Variants in GABRG3 observed in about 807,000 individuals in gnomAD.
The protein encoded by GABRG3 is gamma-aminobutyric acid type A receptor subunit gamma3.
GABRG3 carries 25 observed loss-of-function variants against 48.8 expected under a neutral mutation model. That is an observed-to-expected ratio of 0.51 (90% CI 0.37 to 0.72). The LOEUF (loss-of-function observed/expected upper bound fraction) is 0.72, where lower values mean the gene tolerates loss of function less well. Ranked by LOEUF, GABRG3 falls within the 30% of genes least tolerant of loss-of-function variation. The pLI is 0.00. For synonymous variants in GABRG3, 227 were observed against 217.6 expected, an observed-to-expected ratio of 1.04 and a Z score of -0.38; for missense variants, 394 against 577.9, an observed-to-expected ratio of 0.68 and a Z score of 3.26.
chr15:27,114,738 G>A (rs747474332), intron 3 of GABRG3, among the ~76,000 whole-genome samples: 1 of 151,932 alleles, frequency 6.6e-6, no homozygotes, highest in Non-Finnish European at 1.5e-5. Context: ...TAACTGACTA[G>A]ATAATGAAAG....
intron 3 of GABRG3, among the ~76,000 whole-genome samples, chr15:27,164,073 A>G (rs1258776002): frequency 1.3e-5 from 2 of 152,248 alleles, no homozygotes; most frequent in Admixed American, 6.5e-5. Context: ...TGTTTCACAC[A>G]TAAACATTCC....
chr15:27,431,363 T>G (rs185625839), intron 5 of GABRG3, among the ~76,000 whole-genome samples: 22 of 152,328 alleles, frequency 1.4e-4, no homozygotes, highest in African/African-American at 5.3e-4. Context: ...CAATTTATTT[T>G]TGTATTTTGA....
At chr15:27,439,257 C>G (rs1354430276) in intron 5 of GABRG3, among the ~76,000 whole-genome samples, 1 of 152,132 alleles carries the variant, frequency 6.6e-6, no homozygotes, top group African/African-American at 2.4e-5. Context: ...TTCTCAACAG[C>G]ATGAGAGGAA....
chr15:27,296,314 G>A (rs1766470291), intron 3 of GABRG3, among the ~76,000 whole-genome samples: 2 of 152,134 alleles, frequency 1.3e-5, no homozygotes, highest in Admixed American at 6.5e-5. Context: ...TAAACAATAT[G>A]TGTAGAATTG....
chr15:27,027,015 AT>A (rs1165640683), intron 3 of GABRG3, 194 bp downstream of exon 3: 15 of 462,278 alleles, frequency 3.2e-5, no homozygotes, highest in Non-Finnish European at 5.4e-5. Context: ...TGGTAGTAGC[AT>A]TTCCACTTTT....
chr15:27,465,329 C>A (rs1889572995), intron 5 of GABRG3, among the ~76,000 whole-genome samples: 1 of 148,274 alleles, frequency 6.7e-6, no homozygotes, highest in African/African-American at 2.6e-5. Flanking sequence ...TGAAAAATTA[C>A]ATGAAAATGG....
chr15:27,311,884 G>C (rs1349266812), intron 3 of GABRG3, among the ~76,000 whole-genome samples: 1 of 152,108 alleles, frequency 6.6e-6, no homozygotes, highest in Non-Finnish European at 1.5e-5. Flanking sequence ...TGAATATTGG[G>C]AGAGGTCGCT....
intron 3 of GABRG3, among the ~76,000 whole-genome samples, chr15:27,114,500 A>G (rs75038850): frequency 0.018 from 2,777 of 152,306 alleles, 95 homozygotes; most frequent in African/African-American, 0.064. Context: ...TCCATAACAC[A>G]TGCATAACAG....
chr15:27,480,783 T>C lies in GABRG3; in HGVS notation c.708T>C (p.Ser236=). 1 of 1,613,720 alleles carries C rather than the reference T, an allele frequency of 6.2e-7. No individual in the cohort carries two copies. ...ACACCACAGAAATCGTGACAACGTC[T>C]GCAGGTAGGAATTTACTGAAAGAGG... ...LRNTTEIVTT[S]AGDYVVMTIY... Residue 236 remains serine (S), a synonymous_variant, in exon 6 of 10, where the codon TCT becomes TCC. Coordinates refer to ENST00000615808, the MANE Select transcript of GABRG3 (RefSeq NM_033223.5).
chr15:27,205,156 A>G (rs1888812880), intron 3 of GABRG3, among the ~76,000 whole-genome samples: 1 of 152,094 alleles, frequency 6.6e-6, no homozygotes, highest in Non-Finnish European at 1.5e-5. Flanking sequence ...GATTGCTTCC[A>G]GCTTTTACCC....
At chr15:27,323,187 T>C (rs1893490960) in intron 3 of GABRG3, among the ~76,000 whole-genome samples, 1 of 152,194 alleles carries the variant, frequency 6.6e-6, no homozygotes, top group South Asian at 2.1e-4. Flanking sequence ...AAATTGTTAG[T>C]GGAGGGTCCT....
At chr15:27,138,133 G>A (rs1898041567) in intron 3 of GABRG3, among the ~76,000 whole-genome samples, 1 of 152,136 alleles carries the variant, frequency 6.6e-6, no homozygotes, top group African/African-American at 2.4e-5. Flanking sequence ...ACCACTTTCA[G>A]CCTTTTCAGC....
Position 27,418,881 on chromosome 15 carries a change from C to A in GABRG3, c.575-61769C>A, listed in dbSNP as rs531643528. ...TATTTAAGTCAGGACCCAGAGTCTG[C>A]AGGCATGAGTATCAAGTCTCAGGAA... On this transcript the variant is annotated intron_variant, in intron 5 of 9. Coordinates refer to ENST00000615808, the MANE Select transcript of GABRG3 (RefSeq NM_033223.5). 5.3e-5 allele frequency: 8 copies of A among 152,278 alleles called. No individual in the cohort carries two copies. The East Asian group carries it at 1.5e-3, about 29-fold the overall frequency. 9.4% of individuals were successfully genotyped at this position (152,278 alleles called of 1,614,324 possible). A position where few individuals can be genotyped will look rare whatever the true frequency, so the allele number is the denominator to read the frequency against.
chr15:27,316,382 C>T (rs555696889), intron 3 of GABRG3, among the ~76,000 whole-genome samples: 1 of 121,210 alleles, frequency 8.3e-6, no homozygotes, highest in South Asian at 2.5e-4. Context: ...AGCGAGACTC[C>T]GTCTCAAAAA....
intron 3 of GABRG3, among the ~76,000 whole-genome samples, chr15:27,178,991 G>A (rs1887835321): frequency 6.6e-6 from 1 of 152,166 alleles, no homozygotes; most frequent in African/African-American, 2.4e-5. Context: ...TTGGGGAAGA[G>A]GGATTCTTGT....
At chr15:27,290,553 G>C (rs1891762358) in intron 3 of GABRG3, among the ~76,000 whole-genome samples, 1 of 151,876 alleles carries the variant, frequency 6.6e-6, no homozygotes, top group Non-Finnish European at 1.5e-5. Flanking sequence ...CTGCACCTCT[G>C]TGTATCCCCC....
chr15:27,004,192 G>A (rs1415653202), intron 2 of GABRG3, among the ~76,000 whole-genome samples: 11 of 151,290 alleles, frequency 7.3e-5, no homozygotes, highest in South Asian at 2.1e-4. Flanking sequence ...CTTCCCAGAC[G>A]GGGTGGCTGC....
chr15:27,061,546 T>A (rs1896646282), intron 3 of GABRG3, among the ~76,000 whole-genome samples: 1 of 151,842 alleles, frequency 6.6e-6, no homozygotes, highest in Non-Finnish European at 1.5e-5. Flanking sequence ...TGATTTAAAC[T>A]GTCTCAAGTT....
At chr15:27,435,571 T>C (rs1888585729) in intron 5 of GABRG3, among the ~76,000 whole-genome samples, 1 of 152,156 alleles carries the variant, frequency 6.6e-6, no homozygotes, top group Non-Finnish European at 1.5e-5. Flanking sequence ...CACCAGAATA[T>C]AGGTGCTCAA....
Sources: allele counts gnomAD v4.1 joint callset (sites outside exome capture counted in the v4.1 genomes callset), GRCh38; gene constraint gnomAD v4.1.1; transcripts MANE v1.5; gene names NCBI Gene and HGNC (gene_info 2026-07-23, HGNC 2026-07-21).